SASH1: variants seen among roughly 807,000 people sequenced by gnomAD.
SASH1 encodes SAM and SH3 domain-containing protein 1.
SASH1 carries 44 observed loss-of-function variants against 125.2 expected under a neutral mutation model. The observed-to-expected ratio is 0.35, with a 90% CI of 0.28 to 0.45. The LOEUF (loss-of-function observed/expected upper bound fraction) is 0.45. Among genes scored for constraint, SASH1 ranks in the 20% least tolerant of loss-of-function variants. The probability of loss-of-function intolerance (pLI) is 1.00; values close to 1 mark genes in which losing one functional copy is unlikely to be tolerated. For synonymous variants in SASH1, 639 were observed against 649.1 expected (o/e 0.98, Z 0.24); for missense variants, 1,426 against 1,614.5 (o/e 0.88, Z 2.00).
In SASH1 at chr6:148,531,638, C is replaced by G. The variant is rs1251305268; in HGVS notation, c.1541C>G (p.Ser514Cys). Residue 514 changes from serine (S) to cysteine (C), a missense_variant, in exon 13 of 20, where the codon TCT becomes TGT. Ser to Cys is a moderately radical substitution (Grantham distance 112). Transcript: ENST00000367467. Reference protein sequence around the residue: ...AGGSVESLRSSLSGQSSMSGQ... With the variant: ...AGGSVESLRSCLSGQSSMSGQ... ...GGTTCTGTAGAAAGTCTTCGCAGTTCTCTCAGTGGGCAGAGCTCCATGAGT... is the reference window on the plus strand; with the variant it reads ...GGTTCTGTAGAAAGTCTTCGCAGTTGTCTCAGTGGGCAGAGCTCCATGAGT... 1.3e-6 allele frequency: 2 copies of G among 1,556,754 alleles called. No individual in the cohort carries two copies. Among genetic ancestry groups the G allele is most frequent in the Non-Finnish European group, 1.7e-6 (2 of 1,153,174 alleles).
At chr6:148,294,651 C>T (rs1037250946) in intron 1 of SASH1, among the ~76,000 whole-genome samples, 16 of 152,296 alleles carry the variant, frequency 1.1e-4, no homozygotes, top group African/African-American at 3.4e-4. Context: ...TAATGCCCCA[C>T]GTTTTAAACA....
upstream of SASH1, among the ~76,000 whole-genome samples, chr6:148,340,938 C>T (rs1052750453): frequency 6.6e-6 from 1 of 152,112 alleles, no homozygotes; most frequent in African/African-American, 2.4e-5. Context: ...GAGTTTGAGA[C>T]CACCTTGGGC....
the SASH1 span, among the ~76,000 whole-genome samples, chr6:148,253,596 G>C: frequency 2.0e-5 from 3 of 152,284 alleles, no homozygotes; most frequent in South Asian, 6.2e-4. Context: ...CCATTGGCCG[G>C]GTGCGGTGGC....
upstream of SASH1, among the ~76,000 whole-genome samples, chr6:148,268,136 G>T (rs561269347): frequency 6.6e-6 from 1 of 152,328 alleles, no homozygotes; most frequent in South Asian, 2.1e-4. Context: ...TGACTGAAGA[G>T]ATTTGCAATG....
At chr6:148,449,933 A>G (rs1777016143) in intron 4 of SASH1, among the ~76,000 whole-genome samples, 2 of 152,172 alleles carry the variant, frequency 1.3e-5, no homozygotes, top group South Asian at 4.1e-4. Context: ...CAGGCCCTCA[A>G]GAGGGAGAAC....
chr6:148,380,962 C>T (rs371006874), intron 1 of SASH1, among the ~76,000 whole-genome samples: 5 of 152,132 alleles, frequency 3.3e-5, no homozygotes, highest in East Asian at 3.8e-4. Context: ...GCACAACACT[C>T]GGAATATAGT....
Position 148,332,758 on chromosome 6 carries a change from G to A in SASH1, n.75-57376G>A, listed in dbSNP as rs151136152. On this transcript the variant is annotated intron_variant and non_coding_transcript_variant, in intron 1 of 3. Coordinates refer to the SASH1 transcript ENST00000367469. ...TTCCAGCGCTTTGGGAGGCTGAGGC[G>A]GGCGGATCACCGAGGTCAGGAGTTC... Among the ~76,000 whole-genome samples, 844 of 152,158 alleles carry A rather than the reference G, an allele frequency of 5.5e-3. 7 individuals carry two copies. Among genetic ancestry groups the A allele is most frequent in the African/African-American group, 0.019 (801 of 41,510 alleles).
the SASH1 span, among the ~76,000 whole-genome samples, chr6:148,218,299 A>G: frequency 6.6e-6 from 1 of 152,196 alleles, no homozygotes; most frequent in African/African-American, 2.4e-5. Context: ...CCAGCGACAA[A>G]CAGCTAGTAA....
At chr6:148,463,903 CTCTGCAGTCGCCCT>C (rs1256010601) in intron 4 of SASH1, among the ~76,000 whole-genome samples, 1 of 152,182 alleles carries the variant, frequency 6.6e-6, no homozygotes, top group Non-Finnish European at 1.5e-5. Context: ...CACTCCTTGA[CTCTGCAGTCGCCCT>C]TCTTGAATCT....
intron 1 of SASH1, among the ~76,000 whole-genome samples, chr6:148,336,823 C>T (rs927293948): frequency 2.0e-5 from 3 of 152,140 alleles, no homozygotes; most frequent in East Asian, 3.9e-4. Flanking sequence ...GTTAAGTTTT[C>T]CTTAGGTTTG....
At chr6:148,326,374 A>ATATATG (rs1384320272) in intron 1 of SASH1, among the ~76,000 whole-genome samples, 31 of 42,668 alleles carry the variant, frequency 7.3e-4, no homozygotes, top group African/African-American at 1.3e-3. Flanking sequence ...ATATATATAT[A>ATATATG]CATTCTTTTC....
At chr6:148,307,161 C>A (rs1281996188) in intron 1 of SASH1, among the ~76,000 whole-genome samples, 1 of 151,344 alleles carries the variant, frequency 6.6e-6, no homozygotes, top group Admixed American at 6.6e-5. Context: ...CTCTGTCATC[C>A]AGGCTGGAGT....
At chr6:148,200,896 G>A in the SASH1 span, among the ~76,000 whole-genome samples, 1 of 152,098 alleles carries the variant, frequency 6.6e-6, no homozygotes, top group African/African-American at 2.4e-5. Context: ...TTATACCTCT[G>A]TGACTGCTTT....
chr6:148,224,892 G>A, the SASH1 span, among the ~76,000 whole-genome samples: 3 of 152,130 alleles, frequency 2.0e-5, no homozygotes, highest in African/African-American at 4.8e-5. Context: ...TGAGAACATC[G>A]ACACTGATTC....
At chr6:148,499,763 A>G (rs1415470390) in intron 8 of SASH1, among the ~76,000 whole-genome samples, 1 of 152,178 alleles carries the variant, frequency 6.6e-6, no homozygotes, top group Non-Finnish European at 1.5e-5. Context: ...GGGTAATATG[A>G]GAAAATTAGG....
chr6:148,487,110 C>CACAA (rs1554263529), intron 7 of SASH1, among the ~76,000 whole-genome samples: 3 of 132,698 alleles, frequency 2.3e-5, no homozygotes, highest in Non-Finnish European at 4.8e-5. Context: ...CACACACACA[C>CACAA]ACATATATAT....
At chr6:148,227,049 C>A in the SASH1 span, among the ~76,000 whole-genome samples, 1 of 152,120 alleles carries the variant, frequency 6.6e-6, no homozygotes, top group Non-Finnish European at 1.5e-5. Context: ...GGGGAGGCAA[C>A]AATACCAAAC....
At chr6:148,501,742 C>G (rs1295873471) in intron 8 of SASH1, among the ~76,000 whole-genome samples, 1 of 152,174 alleles carries the variant, frequency 6.6e-6, no homozygotes, top group East Asian at 1.9e-4. Context: ...CTCTCTCCCC[C>G]CACCCATTCA....
At chr6:148,358,107 G>GT (rs77223792) in intron 1 of SASH1, among the ~76,000 whole-genome samples, 12,411 of 148,524 alleles carry the variant, frequency 0.084, 773 homozygotes, top group East Asian at 0.31. Context: ...GAGCAGTTAG[G>GT]TTTTATCTTA....
Sources: gnomAD v4.1 joint callset for allele counts (sites outside exome capture counted in the v4.1 genomes callset) on GRCh38, gnomAD v4.1.1 for gene constraint, MANE v1.5 for transcripts, NCBI Gene and HGNC (gene_info 2026-07-23, HGNC 2026-07-21) for gene names.